The following SLC9A9 variants were observed in gnomAD, a reference collection of about 807,000 sequenced individuals.
SLC9A9 encodes sodium/hydrogen exchanger 9.
A neutral mutation model predicts 77.8 loss-of-function variants in SLC9A9; 62 were observed. That is an observed-to-expected ratio of 0.80 (90% CI 0.65 to 0.98). SLC9A9 has a LOEUF of 0.98. SLC9A9 is among the 50% of genes least tolerant of loss of function. The pLI, the probability that SLC9A9 is intolerant of heterozygous loss-of-function variation, is 0.00. For synonymous variants in SLC9A9, 320 were observed against 283.5 expected, an observed-to-expected ratio of 1.13 and a Z score of -1.29; for missense variants, 775 against 774.9, an observed-to-expected ratio of 1.00 and a Z score of 0.00.
chr3:143,652,387 G>C (rs923990622), intron 5 of SLC9A9, 27 bp from the exon 6 acceptor site: 3 of 1,580,170 alleles, frequency 1.9e-6, no homozygotes, highest in South Asian at 1.1e-5. Flanking sequence ...AAACATGCAG[G>C]TTAGCTTGGA....
chr3:143,658,789 C>G (rs1261443808), intron 5 of SLC9A9, among the ~76,000 whole-genome samples: 1 of 152,046 alleles, frequency 6.6e-6, no homozygotes, highest in Admixed American at 6.5e-5. Flanking sequence ...GAAGGTCATG[C>G]AGTTTGGATT....
At chr3:143,563,620 G>A (rs2037122284) in intron 8 of SLC9A9, among the ~76,000 whole-genome samples, 1 of 152,044 alleles carries the variant, frequency 6.6e-6, no homozygotes. Flanking sequence ...GAAGGGGGAA[G>A]AAAACGTAAG....
intron 14 of SLC9A9, among the ~76,000 whole-genome samples, chr3:143,346,502 T>G (rs1273153395): frequency 6.6e-6 from 1 of 152,148 alleles, no homozygotes; most frequent in East Asian, 1.9e-4. Context: ...AAACCTTTGG[T>G]TAGGCTGGGT....
intron 12 of SLC9A9, among the ~76,000 whole-genome samples, chr3:143,430,761 C>T (rs75728908): frequency 0.073 from 11,042 of 152,286 alleles, 418 homozygotes; most frequent in Middle Eastern, 0.11. Context: ...GCTGAGCCAC[C>T]TTCCAGGTGG....
chr3:143,848,081 T>A, intron 1 of SLC9A9, 67 bp downstream of exon 1: 1 of 1,450,182 alleles, frequency 6.9e-7, no homozygotes, highest in East Asian at 2.3e-5. Flanking sequence ...CTTTGCTATC[T>A]GAGCACAAGT....
chr3:143,515,346 A>C (rs1473295116), intron 9 of SLC9A9, among the ~76,000 whole-genome samples: 2 of 152,226 alleles, frequency 1.3e-5, no homozygotes, highest in Non-Finnish European at 2.9e-5. Flanking sequence ...ACATAAAATG[A>C]GCACATGCTG....
chr3:143,528,693 T>C (rs1440338607), intron 9 of SLC9A9, among the ~76,000 whole-genome samples: 1 of 152,026 alleles, frequency 6.6e-6, no homozygotes, highest in East Asian at 1.9e-4. Flanking sequence ...ATAGCAGCAA[T>C]TTCATATGGT....
At chr3:143,712,980 A>C (rs1934237385) in intron 4 of SLC9A9, among the ~76,000 whole-genome samples, 2 of 152,164 alleles carry the variant, frequency 1.3e-5, no homozygotes, top group Admixed American at 1.3e-4. Flanking sequence ...ACCATCCACC[A>C]CCACATTTAA....
Position 143,552,366 on chromosome 3 carries a change from T to C in SLC9A9, c.1085A>G (p.Lys362Arg). 6.2e-7 allele frequency: 1 copy of C among 1,611,952 alleles called. No homozygotes were observed. Residue 362 changes from lysine (K) to arginine (R), a missense_variant, in exon 9 of 16, where the codon AAA (lysine) becomes AGA (arginine). By Grantham distance (26) the Lys-to-Arg change is conservative. Transcript: ENST00000316549. ...NLSSDSKIRT[K>R]QLFEFMNFLA... ...GTAGTAAATTTTTTCTTTTACCTGT[T>C]TAGTTCTTATTTTGGAATCCGAAGA...
rs529372378 is a variant in SLC9A9 at position 143,788,993 on chromosome 3, G to A, written c.533+6008C>T. ...ATGTTATTTCATACTTACTAGATTG[G>A]CAAAAATTAAGAGGGAAAATTGATA... On this transcript the variant is annotated intron_variant, in intron 4 of 15. Transcript: ENST00000316549. 7.6e-4 allele frequency among the ~76,000 whole-genome samples: 116 copies of A among 152,068 alleles called. 1 individual carries two copies. In the South Asian group the frequency reaches 0.023, roughly 30 times the overall value.
At chr3:143,304,130 A>G (rs1466249071) in intron 14 of SLC9A9, among the ~76,000 whole-genome samples, 3 of 152,202 alleles carry the variant, frequency 2.0e-5, no homozygotes, top group African/African-American at 7.2e-5. Flanking sequence ...AATTGTATCC[A>G]TTGTTTTGGG....
intron 4 of SLC9A9, among the ~76,000 whole-genome samples, chr3:143,710,540 T>G (rs1232093191): frequency 6.6e-6 from 1 of 152,198 alleles, no homozygotes; most frequent in East Asian, 1.9e-4. Context: ...TTGTTTAGGT[T>G]TGGGGAGAAG....
intron 4 of SLC9A9, among the ~76,000 whole-genome samples, chr3:143,720,504 G>A (rs1175627047): frequency 6.6e-6 from 1 of 152,218 alleles, no homozygotes; most frequent in East Asian, 1.9e-4. Context: ...GAACAAATGA[G>A]CAGGTGCAGA....
intron 13 of SLC9A9, among the ~76,000 whole-genome samples, chr3:143,370,794 C>T (rs1261268586): frequency 6.6e-6 from 1 of 152,050 alleles, no homozygotes; most frequent in East Asian, 1.9e-4. Flanking sequence ...TCATCGCTTT[C>T]ACAATGGCTA....
At chr3:143,345,153 G>A (rs1044862275) in intron 14 of SLC9A9, among the ~76,000 whole-genome samples, 2 of 152,194 alleles carry the variant, frequency 1.3e-5, no homozygotes, top group Non-Finnish European at 2.9e-5. Context: ...TATCAAATAA[G>A]TTCCATCTAT....
intron 2 of SLC9A9, among the ~76,000 whole-genome samples, chr3:143,820,619 G>A (rs2009141556): frequency 6.6e-6 from 1 of 152,098 alleles, no homozygotes; most frequent in Non-Finnish European, 1.5e-5. Context: ...ACATAATCAT[G>A]TGACTTCAGT....
intron 14 of SLC9A9, among the ~76,000 whole-genome samples, chr3:143,275,492 T>C (rs1446769898): frequency 6.6e-6 from 1 of 152,184 alleles, no homozygotes; most frequent in Non-Finnish European, 1.5e-5. Flanking sequence ...ATTCTCTAGA[T>C]GTTCAATTTC....
intron 11 of SLC9A9, among the ~76,000 whole-genome samples, chr3:143,479,966 G>T (rs1244554137): frequency 6.6e-6 from 1 of 152,198 alleles, no homozygotes; most frequent in Admixed American, 6.5e-5. Context: ...GTATCTCCTA[G>T]GTGGTAGTCC....
At chr3:143,268,380 C>T (rs985752737) in intron 15 of SLC9A9, among the ~76,000 whole-genome samples, 8 of 152,066 alleles carry the variant, frequency 5.3e-5, no homozygotes, top group Non-Finnish European at 1.2e-4. Context: ...AGAGAATAAG[C>T]CAACATCAGC....
Sources: gnomAD v4.1 joint callset for allele counts (sites outside exome capture counted in the v4.1 genomes callset) on GRCh38, gnomAD v4.1.1 for gene constraint, MANE v1.5 for transcripts, NCBI Gene and HGNC (gene_info 2026-07-23, HGNC 2026-07-21) for gene names.